Variants in MAGI2 observed in about 807,000 individuals in gnomAD.
MAGI2 encodes the protein membrane associated guanylate kinase, WW and PDZ domain containing 2.
Under a neutral mutation model 133.3 loss-of-function variants are expected in MAGI2, and 35 were observed. The observed-to-expected ratio is 0.26, with a 90% CI of 0.20 to 0.35. The LOEUF is 0.35. MAGI2 is among the 10% of genes least tolerant of loss of function. The pLI is 1.00. For synonymous variants in MAGI2, 729 were observed against 710.6 expected (o/e 1.03, Z -0.41); for missense variants, 1,636 against 1,863.4 (o/e 0.88, Z 2.25).
At chr7:78,886,462 C>T (rs1267143496) in intron 2 of MAGI2, among the ~76,000 whole-genome samples, 3 of 152,290 alleles carry the variant, frequency 2.0e-5, no homozygotes, top group East Asian at 1.9e-4. Flanking sequence ...GATTGACTGA[C>T]CAAGTCATGA....
chr7:79,098,012 C>T (rs951782509), intron 1 of MAGI2, among the ~76,000 whole-genome samples: 1 of 152,124 alleles, frequency 6.6e-6, no homozygotes, highest in Non-Finnish European at 1.5e-5. Flanking sequence ...CTCCCAGCTA[C>T]TTGGGAGGCT....
At chr7:78,230,457 C>T (rs1157694002) in intron 10 of MAGI2, among the ~76,000 whole-genome samples, 1 of 152,104 alleles carries the variant, frequency 6.6e-6, no homozygotes, top group Non-Finnish European at 1.5e-5. Flanking sequence ...AACTTTGTTG[C>T]TAGTACTTTT....
At chr7:78,118,697 G>A (rs1031733546) in intron 20 of MAGI2, among the ~76,000 whole-genome samples, 5 of 152,092 alleles carry the variant, frequency 3.3e-5, no homozygotes, top group African/African-American at 4.8e-5. Context: ...TAACAATGAC[G>A]GAACCAAATG....
In MAGI2 at chr7:78,521,597, A is replaced by C; in HGVS notation, c.587T>G (p.Leu196Trp). 1 of 1,614,114 alleles carries C rather than the reference A, an allele frequency of 6.2e-7. No homozygotes were observed. ...AAGTATCTGGTCTGTTACATTTAAC[A>C]ATAATGGTGCTGGTTCTGCTGGCGG... Reference protein sequence around the residue: ...PKPPAEPAPLLLNVTDQILPG... With the variant: ...PKPPAEPAPLWLNVTDQILPG... The change falls in exon 4 of 22, where the codon TTG becomes TGG. Residue 196 changes from leucine to tryptophan, a missense_variant. Leu to Trp is a moderately conservative substitution (Grantham distance 61, BLOSUM62 -2). Around this residue, in one of 5 missense-constraint regions of MAGI2, gnomAD observed 165 missense variants for 128.4 expected, o/e 1.28. Transcript: ENST00000354212.
chr7:78,134,176 A>G (rs1321653335), intron 17 of MAGI2: 1 of 152,190 alleles, frequency 6.6e-6, no homozygotes, highest in Non-Finnish European at 1.5e-5. Flanking sequence ...CCCGTTGAGA[A>G]CTACTGTTTT....
chr7:78,526,590 A>G (rs1796972975), intron 3 of MAGI2, among the ~76,000 whole-genome samples: 1 of 152,252 alleles, frequency 6.6e-6, no homozygotes, highest in East Asian at 1.9e-4. Context: ...CTGCAAAATA[A>G]GAGAGAAAGT....
At chr7:79,187,594 T>C (rs1049010034) in intron 1 of MAGI2, among the ~76,000 whole-genome samples, 3 of 151,872 alleles carry the variant, frequency 2.0e-5, no homozygotes, top group Non-Finnish European at 4.4e-5. Flanking sequence ...GTCTTTTAAG[T>C]ATTGATCATT....
chr7:78,845,859 G>C (rs947440497), intron 2 of MAGI2, among the ~76,000 whole-genome samples: 3 of 151,896 alleles, frequency 2.0e-5, no homozygotes, highest in African/African-American at 7.2e-5. Context: ...AACAGATTGG[G>C]TCAGAGGGGA....
At chr7:79,410,511 G>C (rs2129170817) in intron 1 of MAGI2, 1 of 152,228 alleles carries the variant, frequency 6.6e-6, no homozygotes, top group East Asian at 1.9e-4. Flanking sequence ...AGAATGACAT[G>C]GGTGGAAGTA....
At chr7:78,303,470 A>G (rs894448033) in intron 9 of MAGI2, among the ~76,000 whole-genome samples, 2 of 151,714 alleles carry the variant, frequency 1.3e-5, no homozygotes, top group Admixed American at 6.6e-5. Flanking sequence ...GCTCAAAATA[A>G]TAGTTATCAT....
At chr7:78,720,416 T>TG (rs1331649301) in intron 2 of MAGI2, among the ~76,000 whole-genome samples, 4 of 152,126 alleles carry the variant, frequency 2.6e-5, no homozygotes, top group Admixed American at 6.6e-5. Context: ...ATAATTAACT[T>TG]GCTCCTAGAC....
chr7:78,610,447 A>G (rs925395516), intron 3 of MAGI2, among the ~76,000 whole-genome samples: 1 of 152,188 alleles, frequency 6.6e-6, no homozygotes, highest in African/African-American at 2.4e-5. Flanking sequence ...CAGGGAACAC[A>G]GTGGAGACCT....
intron 1 of MAGI2, among the ~76,000 whole-genome samples, chr7:79,063,813 T>C (rs1814027261): frequency 6.6e-6 from 1 of 152,072 alleles, no homozygotes; most frequent in Non-Finnish European, 1.5e-5. Flanking sequence ...GCAAACAGAC[T>C]AGATCTACTT....
At chr7:78,367,825 C>A (rs921327215) in intron 7 of MAGI2, among the ~76,000 whole-genome samples, 7 of 151,980 alleles carry the variant, frequency 4.6e-5, no homozygotes, top group African/African-American at 1.7e-4. Flanking sequence ...ATTTAGGGAC[C>A]GTAACTATGT....
intron 2 of MAGI2, among the ~76,000 whole-genome samples, chr7:78,677,781 T>C (rs1168255706): frequency 2.0e-5 from 3 of 152,074 alleles, no homozygotes; most frequent in Non-Finnish European, 4.4e-5. Flanking sequence ...CAACATGGCG[T>C]CCAGTGATAT....
intron 9 of MAGI2, among the ~76,000 whole-genome samples, chr7:78,341,340 C>T (rs1294127634): frequency 6.6e-6 from 1 of 152,150 alleles, no homozygotes; most frequent in Non-Finnish European, 1.5e-5. Context: ...ACATTCCATA[C>T]TCATGGATAA....
chr7:78,933,966 C>A (rs932612882), intron 2 of MAGI2, among the ~76,000 whole-genome samples: 1 of 152,074 alleles, frequency 6.6e-6, no homozygotes, highest in Non-Finnish European at 1.5e-5. Flanking sequence ...ATACAGTGTA[C>A]AATAACCTTT....
intron 4 of MAGI2, among the ~76,000 whole-genome samples, chr7:78,520,079 T>G (rs1796366768): frequency 6.6e-6 from 1 of 152,236 alleles, no homozygotes; most frequent in African/African-American, 2.4e-5. Flanking sequence ...GTTACATTAC[T>G]TATAGTGATT....
At chr7:79,219,762 G>A (rs1454090791) in intron 1 of MAGI2, among the ~76,000 whole-genome samples, 2 of 151,812 alleles carry the variant, frequency 1.3e-5, no homozygotes, top group African/African-American at 2.4e-5. Context: ...TTTTCCCTGT[G>A]CTCAGTATTT....
Sources: allele counts gnomAD v4.1 joint callset (sites outside exome capture counted in the v4.1 genomes callset), GRCh38; gene constraint gnomAD v4.1.1; regional missense constraint gnomAD v4.1.1; transcripts MANE v1.5; gene names NCBI Gene and HGNC (gene_info 2026-07-23, HGNC 2026-07-21).